The following SNAP23 variants were observed in gnomAD, a reference collection of about 807,000 sequenced individuals.
SNAP23 encodes the protein synaptosome associated protein 23.
A neutral mutation model predicts 29.0 loss-of-function variants in SNAP23; 11 were observed. The ratio of observed to expected loss-of-function variants is 0.38; its 90% CI spans 0.24 to 0.63. The LOEUF (loss-of-function observed/expected upper bound fraction) is 0.63, where lower values mean the gene tolerates loss of function less well. SNAP23 is among the 20% of genes least tolerant of loss of function. The pLI, the probability that SNAP23 is intolerant of heterozygous loss-of-function variation, is 0.58. For missense variants in SNAP23, 220 were observed against 253.9 expected, an observed-to-expected ratio of 0.87 and a Z score of 0.91; for synonymous variants, 60 against 82.9, an observed-to-expected ratio of 0.72 and a Z score of 1.50.
chr15:42,493,350 C>CTA (rs1391194703), upstream of SNAP23, among the ~76,000 whole-genome samples: 1,135 of 150,514 alleles, frequency 7.5e-3, 8 homozygotes, highest in African/African-American at 0.021. Flanking sequence ...CTCTCTCTCT[C>CTA]TCTCTATATA....
Position 42,511,895 on chromosome 15 carries a change from A to T in SNAP23, c.49A>T (p.Thr17Ser), listed in dbSNP as rs1458455134. The T allele has an allele frequency of 1.3e-6, 2 of 1,588,450 alleles. No homozygotes were observed. The highest frequency in any genetic ancestry group is 1.7e-6 in the Non-Finnish European group (2 of 1,162,576). Reference protein sequence around the residue: ...EEIQQRAHQITDESLESTRRI... With the variant: ...EEIQQRAHQISDESLESTRRI... ...AATTCAACAGAGAGCTCACCAGATT[A>T]CTGATGAGGTAAATGTTTTACCTAA... Residue 17 changes from threonine to serine, a missense_variant, in exon 2 of 8, where the codon ACT becomes TCT. Physicochemically the swap from Thr to Ser is moderately conservative, Grantham distance 58. Coordinates refer to ENST00000249647, the MANE Select transcript of SNAP23 (RefSeq NM_003825.4).
chr15:42,519,334 C>T (rs1367040795), intron 5 of SNAP23, among the ~76,000 whole-genome samples: 3 of 150,396 alleles, frequency 2.0e-5, no homozygotes, highest in African/African-American at 7.3e-5. Flanking sequence ...GGATTACAAG[C>T]ATGAGCCACC....
At chr15:42,522,842 CT>C (rs5812226) in intron 5 of SNAP23, among the ~76,000 whole-genome samples, 3,328 of 90,782 alleles carry the variant, frequency 0.037, 46 homozygotes, top group African/African-American at 0.14. Flanking sequence ...TAAAACTTGC[CT>C]TTTTTTTTTT....
intron 5 of SNAP23, among the ~76,000 whole-genome samples, chr15:42,523,042 C>T (rs1287357268): frequency 1.3e-5 from 2 of 151,872 alleles, no homozygotes; most frequent in Non-Finnish European, 2.9e-5. Context: ...GAATAGGTTT[C>T]ACCATGTTGG....
At position 42,513,433 on chromosome 15, in the gene SNAP23, T is replaced by C; in HGVS notation, c.134T>C (p.Leu45Pro). The C allele has an allele frequency of 6.2e-7, 1 of 1,613,600 alleles. No homozygotes were observed. Among genetic ancestry groups the C allele is most frequent in the Non-Finnish European group, 8.5e-7 (1 of 1,179,514 alleles). ...QDAGIKTITM[L>P]DEQKEQLNRI... ...GCAGGAATCAAGACCATCACTATGCTGGATGAACAAAAGGGTAAGTTAAAT... is the reference window on the plus strand; with the variant it reads ...GCAGGAATCAAGACCATCACTATGCCGGATGAACAAAAGGGTAAGTTAAAT... Residue 45 changes from leucine to proline, a missense_variant, in exon 4 of 8, where the codon CTG becomes CCG. Coordinates refer to ENST00000249647, the MANE Select transcript of SNAP23 (RefSeq NM_003825.4).
At chr15:42,521,839 G>A (rs1567047443) in intron 5 of SNAP23, 3 of 411,176 alleles carry the variant, frequency 7.3e-6, no homozygotes, top group Non-Finnish European at 1.3e-5. Context: ...ACAAAAGATG[G>A]ACTTGACAAA....
Position 42,499,162 on chromosome 15 carries a change from G to A in SNAP23, c.-15+3449G>A, listed in dbSNP as rs149868764. On this transcript the variant is annotated intron_variant, in intron 1 of 7. Transcript: ENST00000249647. ...AGGGTCACCTCAATCTCCACCTCCC[G>A]GGTTCAAGCGATTCTCCTGCCTCAG... 8.8e-3 allele frequency among the ~76,000 whole-genome samples: 1,328 copies of A among 151,562 alleles called. 14 individuals are homozygous for A. Among genetic ancestry groups the A allele is most frequent in the African/African-American group, 0.031 (1,272 of 41,282 alleles).
At chr15:42,498,270 A>G (rs538179948) in intron 1 of SNAP23, among the ~76,000 whole-genome samples, 299 of 152,256 alleles carry the variant, frequency 2.0e-3, no homozygotes, top group African/African-American at 6.8e-3. Flanking sequence ...GCCCTAGCAG[A>G]GGTTCTCCAT....
rs569853403 is a variant in SNAP23, at chr15:42,524,186, T to C, written c.267-4076T>C. On this transcript the variant is annotated intron_variant, in intron 5 of 7. Transcript: ENST00000249647. ...AGATTAATTATTTAGTGCTCCAATA[T>C]ATAGACTACTAGAGTCTATAATAGA... Among the ~76,000 whole-genome samples, 9 of 152,288 alleles carry C rather than the reference T, an allele frequency of 5.9e-5. No individual in the cohort carries two copies. In the South Asian group the frequency reaches 1.9e-3, roughly 32 times the overall value.
chr15:42,500,034 A>G (rs2057255100), intron 1 of SNAP23, among the ~76,000 whole-genome samples: 1 of 152,066 alleles, frequency 6.6e-6, no homozygotes, highest in African/African-American at 2.4e-5. Flanking sequence ...GGTCCCAGCT[A>G]CTCAGAAGGC....
At chr15:42,493,493 G>A (rs760500493), upstream of SNAP23, among the ~76,000 whole-genome samples, 2 of 151,842 alleles carry the variant, frequency 1.3e-5, no homozygotes, top group Admixed American at 6.6e-5. Context: ...AATATCCCCC[G>A]GAGGACAAAA....
chr15:42,514,035 G>C (rs867641575), intron 4 of SNAP23, among the ~76,000 whole-genome samples: 1 of 151,468 alleles, frequency 6.6e-6, no homozygotes, highest in African/African-American at 2.4e-5. Flanking sequence ...GGCTGGTCTC[G>C]AACTCCTAAC....
intron 5 of SNAP23, among the ~76,000 whole-genome samples, chr15:42,519,248 G>T (rs112064424): frequency 0.048 from 7,220 of 151,096 alleles, 576 homozygotes; most frequent in African/African-American, 0.16. Context: ...AGAGATGGGG[G>T]TTCACCATGT....
chr15:42,521,603 T>C, intron 5 of SNAP23: 1 of 1,532,686 alleles, frequency 6.5e-7, no homozygotes. Flanking sequence ...ATCTGCTTAC[T>C]AAAAATGAAG....
intron 5 of SNAP23, among the ~76,000 whole-genome samples, chr15:42,519,371 C>CT (rs770746162): frequency 1.0e-4 from 15 of 146,390 alleles, no homozygotes; most frequent in African/African-American, 3.6e-4. Flanking sequence ...CTTTTCTTTT[C>CT]TTTTTCTTTT....
At chr15:42,510,027 C>T (rs982969046) in intron 1 of SNAP23, among the ~76,000 whole-genome samples, 2 of 152,048 alleles carry the variant, frequency 1.3e-5, no homozygotes, top group Non-Finnish European at 2.9e-5. Context: ...CAGGGTTACA[C>T]CACTGCACTC....
chr15:42,492,712 A>G (rs1724676577), upstream of SNAP23: 1 of 151,804 alleles, frequency 6.6e-6, no homozygotes, highest in Non-Finnish European at 1.5e-5. Context: ...GAGAGAAAAA[A>G]GAAAGGAAGC....
chr15:42,532,948 A>G lies in SNAP23; in HGVS notation c.*1470A>G, dbSNP rs1372189640. ...AAAGTGTTATGAACATCTGATTGGTATTTGTCACATTTATTTTAAAATTAG... is the reference window on the plus strand; with the variant it reads ...AAAGTGTTATGAACATCTGATTGGTGTTTGTCACATTTATTTTAAAATTAG... On this transcript the variant is annotated 3_prime_UTR_variant, in exon 8 of 8. Coordinates refer to ENST00000249647, the MANE Select transcript of SNAP23 (RefSeq NM_003825.4). 2 of 152,644 alleles carry G rather than the reference A, an allele frequency of 1.3e-5. No homozygotes were observed. Among genetic ancestry groups the G allele is most frequent in the African/African-American group, 4.8e-5 (2 of 41,446 alleles). 9.5% of individuals were successfully genotyped at this position (152,644 alleles called of 1,614,324 possible). A position where few individuals can be genotyped will look rare whatever the true frequency, so the allele number is the denominator to read the frequency against.
chr15:42,531,284 T>C, intron 7 of SNAP23, 129 bp from the exon 8 acceptor site: 2 of 530,280 alleles, frequency 3.8e-6, no homozygotes, highest in Non-Finnish European at 3.2e-6. Flanking sequence ...TTGCCCAACA[T>C]GAGTTTTGTA....
Sources: gnomAD v4.1 joint callset for allele counts (sites outside exome capture counted in the v4.1 genomes callset) on GRCh38, gnomAD v4.1.1 for gene constraint, MANE v1.5 for transcripts, NCBI Gene and HGNC (gene_info 2026-07-23, HGNC 2026-07-21) for gene names.